The following SLC14A2 variants were observed in gnomAD, a reference collection of about 807,000 sequenced individuals.
SLC14A2 encodes urea transporter 2.
A neutral mutation model predicts 104.6 loss-of-function variants in SLC14A2; 91 were observed. The observed-to-expected ratio is 0.87, with a 90% CI of 0.73 to 1.04. The LOEUF is 1.04. SLC14A2 is among the 50% of genes least tolerant of loss of function. The probability of loss-of-function intolerance (pLI) is 0.00; values close to 1 mark genes in which losing one functional copy is unlikely to be tolerated. For synonymous variants in SLC14A2, 476 were observed against 466.4 expected, an observed-to-expected ratio of 1.02 and a Z score of -0.27; for missense variants, 1,189 against 1,156.0, an observed-to-expected ratio of 1.03 and a Z score of -0.41.
intron 1 of SLC14A2, among the ~76,000 whole-genome samples, chr18:45,431,802 C>A (rs2086519740): frequency 6.6e-6 from 1 of 152,174 alleles, no homozygotes; most frequent in Admixed American, 6.5e-5. Flanking sequence ...TTGCAAGGGG[C>A]CCATGGTAGC....
chr18:45,231,829 T>A (rs1156304752), intron 1 of SLC14A2, among the ~76,000 whole-genome samples: 1 of 152,170 alleles, frequency 6.6e-6, no homozygotes, highest in Non-Finnish European at 1.5e-5. Flanking sequence ...TCTGTAAGTG[T>A]TATGAGTTCC....
In SLC14A2 at chr18:45,669,327, G is replaced by C. The variant is rs368525085; in HGVS notation, c.2058G>C (p.Leu686=). 2.5e-4 allele frequency: 400 copies of C among 1,613,434 alleles called. 4 individuals are homozygous for C. The South Asian group carries it at 4.2e-3, about 17-fold the overall frequency. Residue 686 remains leucine (L), a synonymous_variant, in exon 16 of 20, where the codon CTG becomes CTC. Coordinates refer to ENST00000255226, the MANE Select transcript of SLC14A2 (RefSeq NM_007163.4). ...TCAGCCCCATCCTCTCCAGTGCCCT[G>C]GGTACCATCTTCAGCAAGTGGGACC... is the stretch of plus-strand genomic sequence containing the variant. ...SMSCPILSSA[L]GTIFSKWDLP...
chr18:45,316,418 G>C (rs1017835831), intron 1 of SLC14A2, among the ~76,000 whole-genome samples: 1 of 152,220 alleles, frequency 6.6e-6, no homozygotes, highest in African/African-American at 2.4e-5. Flanking sequence ...ACCCAGAGGG[G>C]AAGGTGAAGG....
intron 1 of SLC14A2, among the ~76,000 whole-genome samples, chr18:45,317,547 A>G (rs909057699): frequency 1.3e-5 from 2 of 152,220 alleles, no homozygotes; most frequent in African/African-American, 4.8e-5. Flanking sequence ...CCTCCCTTCT[A>G]AAGTGTCATT....
chr18:45,494,698 C>A (rs79994904), intron 2 of SLC14A2, among the ~76,000 whole-genome samples: 3 of 151,954 alleles, frequency 2.0e-5, no homozygotes, highest in African/African-American at 4.8e-5. Context: ...CCACTGTGCC[C>A]GGCCTGGTAG....
intron 1 of SLC14A2, among the ~76,000 whole-genome samples, chr18:45,276,013 A>G (rs1291953601): frequency 6.6e-6 from 1 of 152,250 alleles, no homozygotes; most frequent in Non-Finnish European, 1.5e-5. Context: ...CTAAGTCAAA[A>G]GACGAAATGA....
chr18:45,559,837 G>C (rs966072932), intron 2 of SLC14A2, among the ~76,000 whole-genome samples: 1 of 152,198 alleles, frequency 6.6e-6, no homozygotes, highest in African/African-American at 2.4e-5. Flanking sequence ...TCCAGCTGTA[G>C]TGCCAGAACC....
chr18:45,676,901 T>C (rs890362367), intron 18 of SLC14A2, among the ~76,000 whole-genome samples: 1 of 152,256 alleles, frequency 6.6e-6, no homozygotes, highest in African/African-American at 2.4e-5. Flanking sequence ...GACACCACAC[T>C]GTTTCCTGAA....
At chr18:45,632,571 G>A (rs984639694) in intron 5 of SLC14A2, 93 bp downstream of exon 5, 1 of 1,418,360 alleles carries the variant, frequency 7.1e-7, no homozygotes, top group Admixed American at 2.2e-5. Context: ...ACACATGTGG[G>A]ACCCAGCCCC....
chr18:45,400,778 ATTTG>A (rs1335152456), intron 1 of SLC14A2, among the ~76,000 whole-genome samples: 1 of 151,884 alleles, frequency 6.6e-6, no homozygotes, highest in African/African-American at 2.4e-5. Context: ...TTTTTAATTC[ATTTG>A]TTTGTTTATA....
intron 1 of SLC14A2, among the ~76,000 whole-genome samples, chr18:45,251,538 A>G (rs2084423614): frequency 6.6e-6 from 1 of 152,232 alleles, no homozygotes. Context: ...CTTAAACAAC[A>G]GATATTTAAA....
intron 1 of SLC14A2, among the ~76,000 whole-genome samples, chr18:45,287,958 C>T (rs1349574582): frequency 1.3e-5 from 2 of 152,204 alleles, no homozygotes; most frequent in Non-Finnish European, 2.9e-5. Flanking sequence ...GAGTAACTCG[C>T]CTGCAGTCCT....
chr18:45,298,518 C>T (rs2084938100), intron 1 of SLC14A2, among the ~76,000 whole-genome samples: 1 of 152,134 alleles, frequency 6.6e-6, no homozygotes. Flanking sequence ...CCTTGAGGCC[C>T]CTTTAGCCCA....
At chr18:45,481,020 T>C (rs1440401608) in intron 1 of SLC14A2, among the ~76,000 whole-genome samples, 2 of 151,878 alleles carry the variant, frequency 1.3e-5, no homozygotes, top group African/African-American at 4.8e-5. Flanking sequence ...GGGCAGATGA[T>C]TGATAAAGTT....
At chr18:45,451,306 T>G (rs1348373799) in intron 1 of SLC14A2, among the ~76,000 whole-genome samples, 1 of 152,136 alleles carries the variant, frequency 6.6e-6, no homozygotes, top group Non-Finnish European at 1.5e-5. Flanking sequence ...GAGCAAGAAG[T>G]TGAAGATACA....
intron 1 of SLC14A2, among the ~76,000 whole-genome samples, chr18:45,217,790 A>C (rs1410406333): frequency 1.3e-5 from 2 of 152,216 alleles, no homozygotes; most frequent in Non-Finnish European, 2.9e-5. Flanking sequence ...TAACATGCTT[A>C]AAAACTTAGG....
At chr18:45,459,697 G>A (rs2087008940) in intron 1 of SLC14A2, among the ~76,000 whole-genome samples, 1 of 152,142 alleles carries the variant, frequency 6.6e-6, no homozygotes, top group South Asian at 2.1e-4. Flanking sequence ...GCCCCCTCCT[G>A]GCCTGACATT....
intron 1 of SLC14A2, among the ~76,000 whole-genome samples, chr18:45,424,619 A>T (rs576967466): frequency 6.6e-6 from 1 of 152,336 alleles, no homozygotes; most frequent in East Asian, 1.9e-4. Flanking sequence ...ATCAAAGGAG[A>T]GCCATTTATA....
At chr18:45,359,174 A>G (rs765114000) in intron 1 of SLC14A2, among the ~76,000 whole-genome samples, 10 of 152,142 alleles carry the variant, frequency 6.6e-5, no homozygotes, top group East Asian at 1.9e-4. Flanking sequence ...ATTCTTCCCA[A>G]TTTTCCTGCC....
Sources: allele counts gnomAD v4.1 joint callset (sites outside exome capture counted in the v4.1 genomes callset), GRCh38; gene constraint gnomAD v4.1.1; transcripts MANE v1.5; gene names NCBI Gene and HGNC (gene_info 2026-07-23, HGNC 2026-07-21).